EIF3H: variants seen among roughly 807,000 people sequenced by gnomAD.
EIF3H encodes eukaryotic translation initiation factor 3 subunit H, also known as eIF-3-gamma.
EIF3H carries 26 observed loss-of-function variants against 44.2 expected under a neutral mutation model. The observed-to-expected ratio is 0.59, with a 90% CI of 0.43 to 0.82. The LOEUF (loss-of-function observed/expected upper bound fraction) is 0.82. Among genes scored for constraint, EIF3H ranks in the 40% least tolerant of loss-of-function variants. The probability of loss-of-function intolerance (pLI) is 0.00; values close to 1 mark genes in which losing one functional copy is unlikely to be tolerated. For synonymous variants in EIF3H, 166 were observed against 151.9 expected (o/e 1.09, Z -0.68); for missense variants, 359 against 432.8 (o/e 0.83, Z 1.51).
At chr8:116,711,093 T>C (rs1238206771) in intron 2 of EIF3H, among the ~76,000 whole-genome samples, 2 of 152,218 alleles carry the variant, frequency 1.3e-5, no homozygotes, top group Non-Finnish European at 2.9e-5. Flanking sequence ...GCTTCCATAA[T>C]TGGATACTAG....
At chr8:116,706,579 G>A (rs1395130681) in intron 2 of EIF3H, among the ~76,000 whole-genome samples, 1 of 152,054 alleles carries the variant, frequency 6.6e-6, no homozygotes, top group Non-Finnish European at 1.5e-5. Context: ...CTGTCACCCA[G>A]GCTGGAGTGC....
At chr8:116,754,598 T>G (rs1307069018) in intron 1 of EIF3H, among the ~76,000 whole-genome samples, 2 of 152,232 alleles carry the variant, frequency 1.3e-5, no homozygotes, top group Non-Finnish European at 2.9e-5. Flanking sequence ...CAAACAACTC[T>G]ATGATACAGA....
intron 3 of EIF3H, 89 bp from the exon 4 acceptor site, chr8:116,657,403 T>C: frequency 1.1e-6 from 1 of 916,716 alleles, no homozygotes; most frequent in South Asian, 1.5e-5. Flanking sequence ...CTGTTACATA[T>C]CGCACAATCT....
intron 3 of EIF3H, chr8:116,657,573 A>G (rs755660050): frequency 1.4e-5 from 6 of 442,334 alleles, no homozygotes; most frequent in Non-Finnish European, 2.0e-5. Context: ...GTTATTTTCA[A>G]ATTCATTCCT....
rs1203426373 is a variant in EIF3H, at chr8:116,646,569, C to T, written c.863G>A (p.Arg288His). The T allele has an allele frequency of 2.5e-6, 4 of 1,613,906 alleles. No homozygotes were observed. The highest frequency in any genetic ancestry group is 2.7e-5 in the African/African-American group (2 of 74,882). Reference sequence around the variant, plus strand: ...GAGCGGGGGTTCTCCTCGGCTCTGGCGCTGCATATTCTCCTGCTGGCGACG... The same window carrying T: ...GAGCGGGGGTTCTCCTCGGCTCTGGTGCTGCATATTCTCCTGCTGGCGACG... ...QQRRQQENMQ[R>H]QSRGEPPLPE... is the part of the protein sequence containing the mutation. The change falls in exon 7 of 8, where the codon CGC becomes CAC. Residue 288 changes from arginine (R) to histidine (H), a missense_variant. Transcript: ENST00000521861.
chr8:116,658,719 G>A lies in EIF3H; in HGVS notation c.457+94C>T, dbSNP rs534735091. 60 of 1,281,504 alleles carry A rather than the reference G, an allele frequency of 4.7e-5. No homozygotes were observed. In the African/African-American group the frequency reaches 8.1e-4, roughly 17 times the overall value. 79.4% of individuals were successfully genotyped at this position (1,281,504 alleles called of 1,614,324 possible). A position where few individuals can be genotyped will look rare whatever the true frequency, so the allele number is the denominator to read the frequency against. ...ACAGGGTTGGTATTTACTTGAGAAG[G>A]CCTGCCAGACTGCTCTTAGAGGCAA... On this transcript the variant is annotated intron_variant, in intron 3 of 7. Coordinates refer to ENST00000521861, the MANE Select transcript of EIF3H (RefSeq NM_003756.3).
chr8:116,707,051 C>G (rs2130891386), intron 2 of EIF3H, among the ~76,000 whole-genome samples: 1 of 152,206 alleles, frequency 6.6e-6, no homozygotes, highest in East Asian at 1.9e-4. Flanking sequence ...TGTCTCTCTC[C>G]TCTACGTTTT....
chr8:116,662,422 C>A (rs145242595), intron 2 of EIF3H, among the ~76,000 whole-genome samples: 2 of 152,054 alleles, frequency 1.3e-5, no homozygotes, highest in Admixed American at 1.3e-4. Flanking sequence ...TCCTATGAAG[C>A]GCCAACAAAT....
chr8:116,725,855 T>C (rs1263858086), intron 2 of EIF3H, among the ~76,000 whole-genome samples, 161 bp downstream of exon 2: 2 of 152,190 alleles, frequency 1.3e-5, no homozygotes, highest in African/African-American at 2.4e-5. Flanking sequence ...TAAACCCTCA[T>C]TTCCCAGAAT....
At position 116,739,408 on chromosome 8, in the gene EIF3H, T is replaced by C. The variant is rs2130955621; in HGVS notation, c.133-13236A>G. Among the ~76,000 whole-genome samples, 2 of 152,322 alleles carry C rather than the reference T, an allele frequency of 1.3e-5. 1 individual carries two copies. The highest frequency in any genetic ancestry group is 4.1e-4 in the South Asian group (2 of 4,826). The stretch of plus-strand genomic sequence containing the variant: ...GCTCACGCCTGTAATCCCAGCACTT[T>C]TGGAGGCCGCGGCGGGCAGATCACG... On this transcript the variant is annotated intron_variant, in intron 1 of 7. Coordinates refer to ENST00000521861, the MANE Select transcript of EIF3H (RefSeq NM_003756.3).
chr8:116,705,066 T>C (rs1459541173), intron 2 of EIF3H, among the ~76,000 whole-genome samples: 11 of 152,214 alleles, frequency 7.2e-5, no homozygotes, highest in African/African-American at 2.7e-4. Flanking sequence ...CCTGATGCTG[T>C]AGTGCTTATT....
In EIF3H at chr8:116,752,735, GAGAA is replaced by G. The variant is rs1232609397; in HGVS notation, c.132+2927_132+2930del. Among the ~76,000 whole-genome samples, 14 of 70,834 alleles carry G rather than the reference GAGAA, an allele frequency of 2.0e-4. 1 individual carries two copies. Among genetic ancestry groups the G allele is most frequent in the Admixed American group, 7.0e-4 (4 of 5,740 alleles). The allele number at this position is 70,834 out of a possible 152,430, so 46.5% of individuals were successfully genotyped here. On this transcript the variant is annotated intron_variant, in intron 1 of 7. Coordinates refer to ENST00000521861, the MANE Select transcript of EIF3H (RefSeq NM_003756.3). ...AAGAAAGAAAGAAAGAAAGAAAGAA[GAGAA>G]AGAAAGAAAGAAAGAGGGAGGGAGG...
At chr8:116,680,848 A>T (rs1200230954) in intron 2 of EIF3H, among the ~76,000 whole-genome samples, 1 of 2,688 alleles carries the variant, frequency 3.7e-4, no homozygotes, top group Non-Finnish European at 1.1e-3. Context: ...ATAAATAAAT[A>T]AAAAAAAAGA....
At chr8:116,699,611 G>A (rs1341107133) in intron 2 of EIF3H, among the ~76,000 whole-genome samples, 2 of 152,068 alleles carry the variant, frequency 1.3e-5, no homozygotes, top group Non-Finnish European at 2.9e-5. Context: ...CAGCTACATG[G>A]GTAGCAGGAT....
chr8:116,755,971 C>T, upstream of EIF3H: 7 of 1,536,258 alleles, frequency 4.6e-6, no homozygotes, highest in African/African-American at 1.4e-5. Context: ...AGGCGGTATC[C>T]TTTGTGCATG....
At chr8:116,756,020 C>G (rs1181027083), upstream of EIF3H, 1 of 1,535,556 alleles carries the variant, frequency 6.5e-7, no homozygotes, top group African/African-American at 1.4e-5. Flanking sequence ...ATGGAATGAT[C>G]TAAGATGAAA....
At chr8:116,676,995 T>C (rs922582065) in intron 2 of EIF3H, among the ~76,000 whole-genome samples, 3 of 152,178 alleles carry the variant, frequency 2.0e-5, no homozygotes, top group South Asian at 2.1e-4. Flanking sequence ...GCTCTCCTTA[T>C]GGTATGTAAA....
intron 1 of EIF3H, among the ~76,000 whole-genome samples, chr8:116,747,176 C>A (rs1815252407): frequency 6.6e-6 from 1 of 152,126 alleles, no homozygotes; most frequent in Admixed American, 6.5e-5. Context: ...AGTTCTCCTG[C>A]CTCAGCCTCC....
chr8:116,726,392 A>T (rs778847345), intron 1 of EIF3H, among the ~76,000 whole-genome samples: 13 of 152,178 alleles, frequency 8.5e-5, no homozygotes, highest in Non-Finnish European at 1.6e-4. Flanking sequence ...GTTTGATTAC[A>T]TGTCAAAAAC....
Sources: allele counts gnomAD v4.1 joint callset (sites outside exome capture counted in the v4.1 genomes callset), GRCh38; gene constraint gnomAD v4.1.1; transcripts MANE v1.5; gene names NCBI Gene and HGNC (gene_info 2026-07-23, HGNC 2026-07-21).